The following NEB variants were observed in gnomAD, a reference collection of about 807,000 sequenced individuals.
NEB encodes nemaline myopathy type 2.
In NEB, 512 loss-of-function variants were observed where a neutral mutation model predicts 952.2. The ratio of observed to expected loss-of-function variants is 0.54; its 90% CI spans 0.50 to 0.58. The LOEUF (loss-of-function observed/expected upper bound fraction) is 0.58, where lower values mean the gene tolerates loss of function less well. NEB is among the 20% of genes least tolerant of loss of function. The pLI is 0.00. For missense variants in NEB, 8,428 were observed against 9,231.1 expected (o/e 0.91, Z 3.56); for synonymous variants, 2,900 against 3,149.8 (o/e 0.92, Z 2.66).
chr2:151,700,104 C>A, intron 13 of NEB, among the ~76,000 whole-genome samples: 1 of 76,262 alleles, frequency 1.3e-5, no homozygotes, highest in African/African-American at 5.3e-5. Context: ...TTCCCAGCAC[C>A]ATTTATTAAA....
chr2:151,663,302 T>G (rs2099167908), intron 45 of NEB, among the ~76,000 whole-genome samples: 1 of 152,194 alleles, frequency 6.6e-6, no homozygotes. Context: ...GAAGTTCCAT[T>G]TGCTGTTGTG....
intron 47 of NEB, 126 bp downstream of exon 47, chr2:151,658,939 T>C (rs978396576): frequency 4.9e-6 from 4 of 814,444 alleles, no homozygotes; most frequent in Admixed American, 3.7e-5. Flanking sequence ...AAGAGTCTCA[T>C]GTGTGGATTT....
chr2:151,496,220 T>A, intron 173 of NEB, 56 bp downstream of exon 173: 1 of 1,445,194 alleles, frequency 6.9e-7, no homozygotes, highest in Non-Finnish European at 9.5e-7. Context: ...TTATTTTAAA[T>A]CATAAAAGTA....
At chr2:151,638,829 GT>G (rs1209318535) in intron 63 of NEB, among the ~76,000 whole-genome samples, 6 of 151,998 alleles carry the variant, frequency 3.9e-5, no homozygotes, top group African/African-American at 1.5e-4. Context: ...GTGTGTGTGT[GT>G]GTGTGTGTGG....
intron 173 of NEB, 92 bp downstream of exon 173, chr2:151,496,184 T>G: frequency 7.4e-7 from 1 of 1,348,036 alleles, no homozygotes; most frequent in Non-Finnish European, 1.0e-6. Context: ...ATTTAAGTTG[T>G]CTTTAAAAAG....
intron 23 of NEB, 87 bp downstream of exon 23, chr2:151,691,777 A>G: frequency 1.0e-6 from 1 of 988,366 alleles, no homozygotes; most frequent in Non-Finnish European, 1.6e-6. Context: ...ATCACTAGAT[A>G]TTAGCATGTA....
rs569902276 is a variant in NEB at position 151,677,641 on chromosome 2, T to C, written c.3698A>G (p.Asp1233Gly). The change falls in exon 34 of 182, where the codon GAC becomes GGC. Residue 1233 changes from aspartate to glycine, a missense_variant. Transcript: ENST00000397345. Reference protein sequence around the residue: ...LNEKKYRQHPDTLKFTSIVDS... With the variant: ...LNEKKYRQHPGTLKFTSIVDS... The stretch of plus-strand genomic sequence containing the variant: ...CACAATGCTGGTAAATTTGAGGGTG[T>C]CTGGATGTTGCCTGTACTTCTTTTC... The C allele has an allele frequency of 1.4e-5, 22 of 1,613,862 alleles. No homozygotes were observed. The highest frequency in any genetic ancestry group is 2.2e-5 in the East Asian group (1 of 44,898).
chr2:151,524,306 A>G lies in NEB; in HGVS notation c.22479+5T>C. 1 of 1,612,604 alleles carries G rather than the reference A, an allele frequency of 6.2e-7. No homozygotes were observed. The highest frequency in any genetic ancestry group is 8.5e-7 in the Non-Finnish European group (1 of 1,178,892). ...GAGAGCCACCAGTGCACCCATCTGC[A>G]TTACCTGGCTGCTCAGCTTGGCTGC... On this transcript the variant is annotated splice_donor_5th_base_variant and intron_variant, in intron 153 of 181. Coordinates refer to ENST00000397345, the MANE Select transcript of NEB (RefSeq NM_001164508.2).
chr2:151,557,440 C>T (rs761326289), intron 124 of NEB, among the ~76,000 whole-genome samples: 2 of 152,136 alleles, frequency 1.3e-5, no homozygotes, highest in Non-Finnish European at 2.9e-5. Context: ...ACCAGAGGTA[C>T]AAGGAGGAGC....
At chr2:151,562,408 A>G (rs1172167085) in intron 120 of NEB, among the ~76,000 whole-genome samples, 194 bp from the exon 121 acceptor site, 1 of 152,196 alleles carries the variant, frequency 6.6e-6, no homozygotes, top group African/African-American at 2.4e-5. Flanking sequence ...GTCTATTGTG[A>G]AACCAATTAA....
chr2:151,622,103 C>T (rs1175675134), intron 71 of NEB, among the ~76,000 whole-genome samples: 7 of 152,108 alleles, frequency 4.6e-5, no homozygotes, highest in South Asian at 2.1e-4. Context: ...CAGGTTCAAG[C>T]GATTCTCGTG....
At chr2:151,690,325 T>C in intron 24 of NEB, 1 of 209,610 alleles carries the variant, frequency 4.8e-6, no homozygotes, top group Non-Finnish European at 9.7e-6. Flanking sequence ...GATGTCTGTC[T>C]TGTTACTGTG....
At chr2:151,567,512 T>C in intron 113 of NEB, 33 bp from the exon 114 acceptor site, 1 of 1,555,452 alleles carries the variant, frequency 6.4e-7, no homozygotes, top group Non-Finnish European at 8.7e-7. Context: ...TTCCATCAGT[T>C]TTGACAAGCA....
intron 156 of NEB, 81 bp from the exon 157 acceptor site, chr2:151,516,644 A>ACAGAACATATCAAT: frequency 1.1e-6 from 1 of 916,646 alleles, no homozygotes; most frequent in Non-Finnish European, 1.8e-6. Flanking sequence ...TTTTTAATTG[A>ACAGAACATATCAAT]TATGTTCTGT....
At position 151,641,095 on chromosome 2, in the gene NEB, G is replaced by A. The variant is rs72621644; in HGVS notation, c.8374-429C>T. Among the ~76,000 whole-genome samples, 141 of 151,866 alleles carry A rather than the reference G, an allele frequency of 9.3e-4. No individual in the cohort carries two copies. The East Asian group carries it at 0.019, about 21-fold the overall frequency. Reference sequence around the variant, plus strand: ...TCAGGCACAATTCTAGATAAGTACCGCAGATTCAATAAAAATTATCTTTGC... The same window carrying A: ...TCAGGCACAATTCTAGATAAGTACCACAGATTCAATAAAAATTATCTTTGC... On this transcript the variant is annotated intron_variant, in intron 60 of 181. Transcript: ENST00000397345.
chr2:151,633,449 T>C (rs184454256), intron 65 of NEB, among the ~76,000 whole-genome samples: 201 of 152,356 alleles, frequency 1.3e-3, no homozygotes, highest in East Asian at 3.1e-3. Context: ...TTTGTTTTTA[T>C]AAGACCAAGT....
chr2:151,548,321 T>C lies in NEB; in HGVS notation c.20144A>G (p.Asn6715Ser), dbSNP rs536934629. 37 of 1,611,876 alleles carry C rather than the reference T, an allele frequency of 2.3e-5. No homozygotes were observed. The Admixed American group carries it at 2.7e-4, about 12-fold the overall frequency. The stretch of plus-strand genomic sequence containing the variant: ...GCATTCAGGTACCTCGCTGGTAACA[T>C]TGTTGACTCTCCGGACGTGGACAAA... Reference protein sequence around the residue: ...VPFVHVRRVNNVTSERLYREL... With the variant: ...VPFVHVRRVNSVTSERLYREL... Residue 6715 changes from asparagine (N) to serine (S), a missense_variant, in exon 131 of 182, where the codon AAT becomes AGT. Asn to Ser is a conservative substitution (Grantham distance 46). This residue lies in a region of NEB where 3,374 missense variants were observed against 3,651.5 expected (regional missense o/e 0.92). Coordinates refer to ENST00000397345, the MANE Select transcript of NEB (RefSeq NM_001164508.2).
intron 25 of NEB, 114 bp from the exon 26 acceptor site, chr2:151,687,847 T>C (rs1004826306): frequency 5.9e-5 from 58 of 976,452 alleles, no homozygotes; most frequent in Non-Finnish European, 8.7e-5. Flanking sequence ...CTATAAAAAC[T>C]ATATTTATCA....
intron 47 of NEB, 86 bp downstream of exon 47, chr2:151,658,979 A>G (rs2099116430): frequency 5.1e-6 from 5 of 983,646 alleles, no homozygotes; most frequent in Non-Finnish European, 8.2e-6. Flanking sequence ...ATTCACTCTC[A>G]TAACTGAGAG....
Sources: gnomAD v4.1 joint callset for allele counts (sites outside exome capture counted in the v4.1 genomes callset) on GRCh38, gnomAD v4.1.1 for gene constraint, gnomAD v4.1.1 regional missense constraint, MANE v1.5 for transcripts, NCBI Gene and HGNC (gene_info 2026-07-23, HGNC 2026-07-21) for gene names.